PDZD2: variants seen among roughly 807,000 people sequenced by gnomAD.
PDZD2 encodes the protein PDZ domain-containing protein 2.
PDZD2 carries 90 observed loss-of-function variants against 220.7 expected under a neutral mutation model. That is an observed-to-expected ratio of 0.41 (90% confidence interval 0.34 to 0.49). The LOEUF is 0.49. Among genes scored for constraint, PDZD2 ranks in the 20% least tolerant of loss-of-function variants. The pLI, the probability that PDZD2 is intolerant of heterozygous loss-of-function variation, is 0.28. For missense variants in PDZD2, 3,174 were observed against 3,608.5 expected (o/e 0.88, Z 3.08); for synonymous variants, 1,375 against 1,450.5 (o/e 0.95, Z 1.18).
chr5:32,072,411 A>C (rs1003285002), intron 17 of PDZD2, 94 bp downstream of exon 17: 4 of 987,060 alleles, frequency 4.1e-6, no homozygotes, highest in Non-Finnish European at 2.9e-6. Flanking sequence ...TGGTTTAGCT[A>C]CCCTGGCGCT....
intron 1 of PDZD2, among the ~76,000 whole-genome samples, chr5:31,722,277 C>G (rs1313127257): frequency 6.6e-6 from 1 of 152,198 alleles, no homozygotes; most frequent in Non-Finnish European, 1.5e-5. Context: ...GCTCCTCCCT[C>G]TCACCTTGGC....
At chr5:32,058,764 G>A (rs1300499243) in intron 12 of PDZD2, among the ~76,000 whole-genome samples, 2 of 151,790 alleles carry the variant, frequency 1.3e-5, no homozygotes. Context: ...TAAGTGTACA[G>A]TTAACACTAG....
At chr5:31,679,676 T>C (rs1324948527) in intron 1 of PDZD2, among the ~76,000 whole-genome samples, 2 of 151,982 alleles carry the variant, frequency 1.3e-5, no homozygotes, top group African/African-American at 4.8e-5. Flanking sequence ...CCCGGCTAAG[T>C]TTTGTCTTTT....
intron 1 of PDZD2, among the ~76,000 whole-genome samples, chr5:31,753,377 C>A (rs931170750): frequency 6.6e-6 from 1 of 152,164 alleles, no homozygotes; most frequent in South Asian, 2.1e-4. Flanking sequence ...GCCAGCAGGG[C>A]GGATCACTTT....
At chr5:31,686,366 CT>C (rs544635682) in intron 1 of PDZD2, among the ~76,000 whole-genome samples, 2,509 of 149,088 alleles carry the variant, frequency 0.017, 58 homozygotes, top group African/African-American at 0.058. Flanking sequence ...AAAAAGTTTT[CT>C]TTTTTTTTTC....
chr5:31,906,750 G>A (rs1742693752), intron 2 of PDZD2, among the ~76,000 whole-genome samples: 1 of 152,126 alleles, frequency 6.6e-6, no homozygotes, highest in Non-Finnish European at 1.5e-5. Context: ...GGATAAGGCA[G>A]GAGAATAGCT....
chr5:31,752,069 G>GTTT (rs1491302993), intron 1 of PDZD2, among the ~76,000 whole-genome samples: 4 of 95,856 alleles, frequency 4.2e-5, no homozygotes, highest in South Asian at 3.2e-4. Context: ...ATTGTTTTGG[G>GTTT]TTTGTTTTTT....
intron 2 of PDZD2, among the ~76,000 whole-genome samples, chr5:31,875,355 A>G (rs1000692386): frequency 6.6e-6 from 1 of 152,102 alleles, no homozygotes; most frequent in African/African-American, 2.4e-5. Flanking sequence ...AGGCCGAGGC[A>G]GACCGATCAC....
At chr5:31,735,910 A>C (rs2150160386) in intron 1 of PDZD2, among the ~76,000 whole-genome samples, 1 of 152,318 alleles carries the variant, frequency 6.6e-6, no homozygotes, top group Admixed American at 6.5e-5. Context: ...GCACCACTGC[A>C]CTCCAGCCTG....
intron 2 of PDZD2, among the ~76,000 whole-genome samples, chr5:31,869,609 T>C (rs1007506908): frequency 2.6e-5 from 4 of 152,268 alleles, no homozygotes; most frequent in South Asian, 4.1e-4. Flanking sequence ...TTGACTGCGA[T>C]GAGCACCTTT....
intron 1 of PDZD2, among the ~76,000 whole-genome samples, chr5:31,794,986 T>A (rs764264623): frequency 6.6e-6 from 1 of 152,188 alleles, no homozygotes; most frequent in African/African-American, 2.4e-5. Flanking sequence ...GATCCTTTTA[T>A]ACCCCCAGCC....
rs1458273850 is a variant in PDZD2, at chr5:32,097,282, G to A, written c.7849G>A (p.Glu2617Lys). The part of the protein sequence containing the change: ...IQEAKAQSEN[E>K]EDVCFIVLNR... The stretch of plus-strand genomic sequence containing the variant: ...AATTTTTGTTTGTTTTCACTAGAAT[G>A]AAGAAGATGTTTGCTTCATAGTCTT... Residue 2617 changes from glutamate (E) to lysine (K), a missense_variant, in exon 22 of 25, where the codon GAA (glutamate) becomes AAA (lysine). By Grantham distance (56) the Glu-to-Lys change is moderately conservative. Around this residue, in one of 4 missense-constraint regions of PDZD2, gnomAD observed 631 missense variants for 789.9 expected, o/e 0.80. Transcript: ENST00000438447. The A allele has an allele frequency of 6.2e-7, 1 of 1,600,208 alleles. No homozygotes were observed. The highest frequency in any genetic ancestry group is 8.6e-7 in the Non-Finnish European group (1 of 1,167,540).
At position 32,058,253 on chromosome 5, in the gene PDZD2, G is replaced by A. The variant is rs116061095; in HGVS notation, c.2200+150G>A. The A allele has an allele frequency of 3.1e-3, 1,942 of 621,254 alleles. 27 individuals carry two copies. In the African/African-American group the frequency reaches 0.032, roughly 10 times the overall value. The allele number at this position is 621,254 out of a possible 1,614,324, so 38.5% of individuals were successfully genotyped here. The stretch of plus-strand genomic sequence containing the variant: ...CGTGGTCTCTGCATGGGACAGTGAG[G>A]TCAGGTAGAGAGATGTTAGTCACTT... On this transcript the variant is annotated intron_variant, in intron 12 of 24. Transcript: ENST00000438447.
At chr5:32,014,978 G>T in intron 6 of PDZD2, among the ~76,000 whole-genome samples, 2 of 107,962 alleles carry the variant, frequency 1.9e-5, no homozygotes, top group Admixed American at 1.3e-4. Context: ...GTCTCACTCT[G>T]TCGCCCAGGC....
At position 31,919,050 on chromosome 5, in the gene PDZD2, A is replaced by T. The variant is rs138466006; in HGVS notation, c.477-64105A>T. Among the ~76,000 whole-genome samples the T allele has an allele frequency of 4.1e-3, 623 of 152,332 alleles. 5 individuals carry two copies. The highest frequency in any genetic ancestry group is 0.017 in the Middle Eastern group (5 of 294). ...TCAATTACACCAGGACAAGCTATGT[A>T]TAATTTGGTTAGTGATGTAAATAAG... On this transcript the variant is annotated intron_variant, in intron 2 of 24. Transcript: ENST00000438447.
At chr5:31,993,401 C>T (rs919319802) in intron 3 of PDZD2, among the ~76,000 whole-genome samples, 5 of 152,206 alleles carry the variant, frequency 3.3e-5, no homozygotes, top group African/African-American at 1.2e-4. Context: ...AGTGTGGGAT[C>T]CAACAGGTCT....
At chr5:31,683,688 G>A (rs1432745272) in intron 1 of PDZD2, among the ~76,000 whole-genome samples, 1 of 152,112 alleles carries the variant, frequency 6.6e-6, no homozygotes, top group South Asian at 2.1e-4. Flanking sequence ...TCTTATGGAC[G>A]TTTGATAATT....
At chr5:31,873,644 C>T (rs561205605) in intron 2 of PDZD2, among the ~76,000 whole-genome samples, 2 of 151,486 alleles carry the variant, frequency 1.3e-5, no homozygotes, top group Admixed American at 1.3e-4. Flanking sequence ...CAAAGCGATC[C>T]GCCTGCCTTG....
intron 1 of PDZD2, among the ~76,000 whole-genome samples, chr5:31,704,688 G>A (rs906106307): frequency 6.6e-6 from 1 of 152,132 alleles, no homozygotes. Context: ...GCTAAATGAT[G>A]AATGTGTTCT....
Sources: allele counts gnomAD v4.1 joint callset (sites outside exome capture counted in the v4.1 genomes callset), GRCh38; gene constraint gnomAD v4.1.1; regional missense constraint gnomAD v4.1.1; transcripts MANE v1.5; gene names NCBI Gene and HGNC (gene_info 2026-07-23, HGNC 2026-07-21).